CYP4F3: variants seen among roughly 807,000 people sequenced by gnomAD.
CYP4F3 encodes the protein cytochrome P450 4F3.
CYP4F3 carries 50 observed loss-of-function variants against 54.8 expected under a neutral mutation model. The observed-to-expected ratio is 0.91, with a 90% CI of 0.73 to 1.16. The LOEUF (loss-of-function observed/expected upper bound fraction) is 1.16. Ranked by LOEUF, CYP4F3 falls within the 50% of genes most tolerant of loss-of-function variation. The pLI is 0.00. For missense variants in CYP4F3, 715 were observed against 676.2 expected (o/e 1.06, Z -0.64); for synonymous variants, 244 against 262.6 (o/e 0.93, Z 0.69).
intron 2 of CYP4F3, 95 bp downstream of exon 2, chr19:15,641,708 T>C: frequency 9.7e-7 from 1 of 1,031,128 alleles, no homozygotes; most frequent in Non-Finnish European, 1.5e-6. Flanking sequence ...TGGGCTGGGG[T>C]CTGGGGTGGC....
At chr19:15,649,801 T>C (rs1972732948) in intron 6 of CYP4F3, 112 bp from the exon 7 acceptor site, 1 of 1,476,508 alleles carries the variant, frequency 6.8e-7, no homozygotes, top group African/African-American at 1.4e-5. Context: ...GGCCATCTGT[T>C]CCTGGATACC....
intron 7 of CYP4F3, among the ~76,000 whole-genome samples, chr19:15,650,716 CTTTCTT>C (rs1290039587): frequency 3.4e-5 from 1 of 29,234 alleles, no homozygotes; most frequent in East Asian, 1.9e-3. Context: ...TTCTTTCTTT[CTTTCTT>C]TCTTTCTTTC....
chr19:15,643,227 T>A (rs1288337107), intron 2 of CYP4F3, among the ~76,000 whole-genome samples: 5 of 146,794 alleles, frequency 3.4e-5, no homozygotes, highest in African/African-American at 1.3e-4. Context: ...ATAGGATAGA[T>A]GAATGGATAG....
chr19:15,661,785 A>G lies in CYP4F3; in HGVS notation c.*2400A>G, dbSNP rs528300085. 6.6e-6 allele frequency: 1 copy of G among 152,274 alleles called. No individual in the cohort carries two copies. The highest frequency in any genetic ancestry group is 1.5e-5 in the Non-Finnish European group (1 of 68,030). 9.4% of individuals were successfully genotyped at this position (152,274 alleles called of 1,614,324 possible). A position where few individuals can be genotyped will look rare whatever the true frequency, so the allele number is the denominator to read the frequency against. Reference sequence around the variant, plus strand: ...TTTGGTGAATTATGTTTATACTGCCATATATAGGAACTCTTTGCTTAACTG... The same window carrying G: ...TTTGGTGAATTATGTTTATACTGCCGTATATAGGAACTCTTTGCTTAACTG... On this transcript the variant is annotated 3_prime_UTR_variant, in exon 13 of 13. Transcript: ENST00000221307.
Position 15,652,815 on chromosome 19 carries a change from C to T in CYP4F3, c.986-8C>T, listed in dbSNP as rs368774644. Reference sequence around the variant, plus strand: ...CCAGAGACCCAAGCCTGCCTTGCTGCCCCCCAGGCCATGACACCACAGCCA... The same window carrying T: ...CCAGAGACCCAAGCCTGCCTTGCTGTCCCCCAGGCCATGACACCACAGCCA... On this transcript the variant is annotated splice_region_variant and splice_polypyrimidine_tract_variant and intron_variant, in intron 8 of 12. Transcript: ENST00000221307. The T allele has an allele frequency of 9.9e-5, 159 of 1,607,778 alleles. No individual in the cohort carries two copies. The Middle Eastern group carries it at 1.3e-3, about 13-fold the overall frequency.
intron 2 of CYP4F3, among the ~76,000 whole-genome samples, chr19:15,643,665 A>G (rs1373568049): frequency 6.6e-6 from 1 of 152,108 alleles, no homozygotes; most frequent in African/African-American, 2.4e-5. Context: ...CAGCCCCACA[A>G]CAGAGCAAAT....
At chr19:15,652,217 A>C (rs1444829795) in intron 7 of CYP4F3, among the ~76,000 whole-genome samples, 1 of 152,194 alleles carries the variant, frequency 6.6e-6, no homozygotes, top group Non-Finnish European at 1.5e-5. Context: ...TCTTTGAAGC[A>C]ATACTTAATC....
rs1463973127 is a variant in CYP4F3, at chr19:15,659,509, A to G, written c.*124A>G. The G allele has an allele frequency of 2.0e-5, 23 of 1,123,414 alleles. No homozygotes were observed. The highest frequency in any genetic ancestry group is 2.8e-5 in the Non-Finnish European group (23 of 809,432). 69.6% of individuals were successfully genotyped at this position (1,123,414 alleles called of 1,614,324 possible). A position where few individuals can be genotyped will look rare whatever the true frequency, so the allele number is the denominator to read the frequency against. ...TCCATCCTAGATATCTACTCAAAAT[A>G]ATTGAGACAAGTGTTCAAACAGAAA... On this transcript the variant is annotated 3_prime_UTR_variant, in exon 13 of 13. Transcript: ENST00000221307.
At position 15,653,478 on chromosome 19, in the gene CYP4F3, G is replaced by T. The variant is rs146835203; in HGVS notation, c.1115+526G>T. ...GTGCACAGCATCTTTCTGTGCTCTG[G>T]AGACCTGGGAAGGACCCAACCAGGG... On this transcript the variant is annotated intron_variant, in intron 9 of 12. Transcript: ENST00000221307. Among the ~76,000 whole-genome samples the T allele has an allele frequency of 8.7e-4, 133 of 152,148 alleles. 2 individuals are homozygous for T. The highest frequency in any genetic ancestry group is 1.0e-3 in the Non-Finnish European group (68 of 68,004).
At chr19:15,650,496 C>T (rs1170637264) in intron 7 of CYP4F3, among the ~76,000 whole-genome samples, 2 of 152,130 alleles carry the variant, frequency 1.3e-5, no homozygotes, top group Non-Finnish European at 2.9e-5. Context: ...TTGCCTATGT[C>T]TTTCTGTATC....
Position 15,640,897 on chromosome 19 carries a change from A to T in CYP4F3, c.-50A>T, listed in dbSNP as rs1972443812. 6.5e-6 allele frequency: 1 copy of T among 153,008 alleles called. No individual in the cohort carries two copies. The highest frequency in any genetic ancestry group is 6.5e-5 in the Admixed American group (1 of 15,458). 9.5% of individuals were successfully genotyped at this position (153,008 alleles called of 1,614,324 possible). A position where few individuals can be genotyped will look rare whatever the true frequency, so the allele number is the denominator to read the frequency against. Reference sequence around the variant, plus strand: ...CAGGGGCCAGGGGAAAAAACCTCCCAGAAGAAGGGGAGAGGAGGTTGTGTG... The same window carrying T: ...CAGGGGCCAGGGGAAAAAACCTCCCTGAAGAAGGGGAGAGGAGGTTGTGTG... On this transcript the variant is annotated 5_prime_UTR_variant, in exon 1 of 13. Transcript: ENST00000221307.
chr19:15,646,430 C>G (rs1972627111), intron 3 of CYP4F3, among the ~76,000 whole-genome samples: 1 of 152,114 alleles, frequency 6.6e-6, no homozygotes, highest in Non-Finnish European at 1.5e-5. Flanking sequence ...ATGTTTGGGT[C>G]ATACGTGAGG....
At chr19:15,657,906 T>C (rs1973069956) in intron 9 of CYP4F3, among the ~76,000 whole-genome samples, 1 of 152,174 alleles carries the variant, frequency 6.6e-6, no homozygotes, top group African/African-American at 2.4e-5. Flanking sequence ...CTTTTAACTT[T>C]TGGAGGGTAC....
chr19:15,651,774 TGTCTAA>T (rs1286741623), intron 7 of CYP4F3, among the ~76,000 whole-genome samples: 6 of 152,230 alleles, frequency 3.9e-5, no homozygotes, highest in African/African-American at 1.2e-4. Flanking sequence ...TCTGTGTTTG[TGTCTAA>T]GTCTATGACT....
rs2083378048 is a variant in CYP4F3, at chr19:15,655,244, G to A, written c.1115+2292G>A. Among the ~76,000 whole-genome samples the A allele has an allele frequency of 2.0e-5, 3 of 152,138 alleles. No homozygotes were observed. In the South Asian group the frequency reaches 6.2e-4, roughly 31 times the overall value. ...ATTTGGTTACTTTTCCTATTGAGTT[G>A]TTTGAGCTGCTTATGTATTCTGGTT... On this transcript the variant is annotated intron_variant, in intron 9 of 12. Coordinates refer to ENST00000221307, the MANE Select transcript of CYP4F3 (RefSeq NM_000896.3).
At chr19:15,648,664 G>A (rs2283608) in intron 5 of CYP4F3, among the ~76,000 whole-genome samples, 24,439 of 152,008 alleles carry the variant, frequency 0.16, 2,074 homozygotes, top group Middle Eastern at 0.2. Context: ...TCCATGATAC[G>A]AGTATATATT....
intron 9 of CYP4F3, among the ~76,000 whole-genome samples, chr19:15,655,012 C>A (rs1915380): frequency 0.21 from 31,293 of 152,088 alleles, 3,546 homozygotes; most frequent in Middle Eastern, 0.27. Context: ...GTTCCCCTTT[C>A]TCCATATCCT....
In CYP4F3 at chr19:15,651,317, T is replaced by G. The variant is rs749800069; in HGVS notation, c.918+1134T>G. Among the ~76,000 whole-genome samples the G allele has an allele frequency of 1.4e-4, 20 of 140,302 alleles. 3 individuals are homozygous for G. Among genetic ancestry groups the G allele is most frequent in the Admixed American group, 7.1e-5 (1 of 14,030 alleles). The allele number at this position is 140,302 out of a possible 152,430, so 92.0% of individuals were successfully genotyped here. A position where few individuals can be genotyped will look rare whatever the true frequency, so the allele number is the denominator to read the frequency against. ...TCTCAGTGTATGTCTATGTCCATGT[T>G]TTTTTGTCTGTGTCTATGATTATGT... On this transcript the variant is annotated intron_variant, in intron 7 of 12. Coordinates refer to ENST00000221307, the MANE Select transcript of CYP4F3 (RefSeq NM_000896.3).
chr19:15,647,564 G>A (rs906151523), intron 5 of CYP4F3, among the ~76,000 whole-genome samples: 2 of 152,176 alleles, frequency 1.3e-5, no homozygotes, highest in African/African-American at 2.4e-5. Flanking sequence ...CGCGTCACCC[G>A]AACCCTGTAA....
Sources: gnomAD v4.1 joint callset for allele counts (sites outside exome capture counted in the v4.1 genomes callset) on GRCh38, gnomAD v4.1.1 for gene constraint, MANE v1.5 for transcripts, NCBI Gene and HGNC (gene_info 2026-07-23, HGNC 2026-07-21) for gene names.